Variants in CNTNAP2 observed in about 807,000 individuals in gnomAD.
CNTNAP2 encodes the protein contactin-associated protein-like 2.
Under a neutral mutation model 155.2 loss-of-function variants are expected in CNTNAP2, and 98 were observed. That is an observed-to-expected ratio of 0.63 (90% CI 0.54 to 0.75). The LOEUF (loss-of-function observed/expected upper bound fraction) is 0.75, where lower values mean the gene tolerates loss of function less well. Among genes scored for constraint, CNTNAP2 ranks in the 30% least tolerant of loss-of-function variants. The pLI, the probability that CNTNAP2 is intolerant of heterozygous loss-of-function variation, is 0.00. For missense variants in CNTNAP2, 1,727 were observed against 1,688.1 expected (o/e 1.02, Z -0.40); for synonymous variants, 651 against 631.2 (o/e 1.03, Z -0.47).
intron 12 of CNTNAP2, among the ~76,000 whole-genome samples, chr7:147,623,655 A>G (rs577188927): frequency 1.3e-5 from 2 of 152,198 alleles, no homozygotes; most frequent in African/African-American, 4.8e-5. Context: ...AATAATCAAT[A>G]TTGTTAAAAT....
intron 15 of CNTNAP2, among the ~76,000 whole-genome samples, chr7:148,016,864 T>C (rs12674208): frequency 0.24 from 36,386 of 152,134 alleles, 5,497 homozygotes; most frequent in East Asian, 0.5. Flanking sequence ...ATTCCTTCCC[T>C]TTCTTCTGCA....
intron 12 of CNTNAP2, among the ~76,000 whole-genome samples, chr7:147,581,120 C>G (rs577223865): frequency 1.3e-5 from 2 of 152,072 alleles, no homozygotes; most frequent in Non-Finnish European, 2.9e-5. Context: ...AGATAACTGG[C>G]CTAGAGTCAA....
intron 12 of CNTNAP2, among the ~76,000 whole-genome samples, chr7:147,601,086 T>C (rs1800933920): frequency 6.6e-6 from 1 of 152,160 alleles, no homozygotes; most frequent in Non-Finnish European, 1.5e-5. Context: ...AAGTCCTGTG[T>C]CCCCGTTACT....
At chr7:147,420,693 C>T (rs1797276680) in intron 10 of CNTNAP2, among the ~76,000 whole-genome samples, 1 of 152,102 alleles carries the variant, frequency 6.6e-6, no homozygotes, top group Admixed American at 6.6e-5. Context: ...TTATGAAATA[C>T]TAACGTTGCA....
intron 8 of CNTNAP2, among the ~76,000 whole-genome samples, chr7:147,159,040 T>TC (rs1801977621): frequency 6.6e-6 from 1 of 152,030 alleles, no homozygotes; most frequent in African/African-American, 2.4e-5. Context: ...AAGGGAAAGG[T>TC]CAGGGTTCTT....
intron 1 of CNTNAP2, among the ~76,000 whole-genome samples, chr7:146,326,690 T>C (rs1801103407): frequency 6.6e-6 from 1 of 152,166 alleles, no homozygotes. Flanking sequence ...AGCATCTCCG[T>C]GGATGAAAAG....
At chr7:148,202,871 G>A (rs916435120) in intron 18 of CNTNAP2, among the ~76,000 whole-genome samples, 3 of 152,138 alleles carry the variant, frequency 2.0e-5, no homozygotes, top group Admixed American at 6.5e-5. Context: ...CAACAAACGC[G>A]TGGCCTAAAT....
At chr7:146,919,715 A>T (rs1024103837) in intron 3 of CNTNAP2, among the ~76,000 whole-genome samples, 3 of 152,180 alleles carry the variant, frequency 2.0e-5, no homozygotes, top group African/African-American at 4.8e-5. Flanking sequence ...AGGCAGTATA[A>T]GGAGGATCAG....
chr7:148,080,439 A>G (rs890644927), intron 15 of CNTNAP2, among the ~76,000 whole-genome samples: 3 of 151,848 alleles, frequency 2.0e-5, no homozygotes, highest in African/African-American at 7.3e-5. Flanking sequence ...CCCCATCTCT[A>G]CTAAAAATAC....
chr7:148,140,292 T>C (rs1391883329), intron 16 of CNTNAP2, among the ~76,000 whole-genome samples: 2 of 152,170 alleles, frequency 1.3e-5, no homozygotes, highest in Non-Finnish European at 2.9e-5. Context: ...ATAGGAATGA[T>C]TGATTGCCCA....
chr7:148,288,886 C>A (rs913733869), intron 21 of CNTNAP2, among the ~76,000 whole-genome samples: 1 of 144,170 alleles, frequency 6.9e-6, no homozygotes, highest in African/African-American at 2.6e-5. Flanking sequence ...TGTTTTTAAA[C>A]CTCCTGTTCA....
At chr7:146,786,288 C>A (rs1049329682) in intron 2 of CNTNAP2, among the ~76,000 whole-genome samples, 1 of 152,072 alleles carries the variant, frequency 6.6e-6, no homozygotes, top group Non-Finnish European at 1.5e-5. Context: ...ATTTCCAAGA[C>A]AATTGGGAGG....
intron 11 of CNTNAP2, among the ~76,000 whole-genome samples, chr7:147,509,336 C>T (rs1374107880): frequency 6.6e-6 from 1 of 152,200 alleles, no homozygotes; most frequent in Non-Finnish European, 1.5e-5. Flanking sequence ...ATTAACTTCT[C>T]ATACCAAAAA....
chr7:148,018,138 C>T (rs369008193), intron 15 of CNTNAP2, among the ~76,000 whole-genome samples: 21 of 152,160 alleles, frequency 1.4e-4, no homozygotes, highest in African/African-American at 3.1e-4. Context: ...GAAAATAACA[C>T]GACTGGTACC....
chr7:147,515,378 A>G (rs1799104096), intron 11 of CNTNAP2, among the ~76,000 whole-genome samples: 1 of 133,834 alleles, frequency 7.5e-6, no homozygotes. Context: ...GCTGGAGTGC[A>G]GTGGTGTGAT....
intron 3 of CNTNAP2, among the ~76,000 whole-genome samples, chr7:147,007,180 C>G (rs199844029): frequency 6.6e-6 from 1 of 152,086 alleles, no homozygotes; most frequent in Non-Finnish European, 1.5e-5. Context: ...AGTCAAAATG[C>G]ACATGCTCGC....
chr7:146,997,132 C>G (rs890841182), intron 3 of CNTNAP2, among the ~76,000 whole-genome samples: 1 of 152,076 alleles, frequency 6.6e-6, no homozygotes, highest in Non-Finnish European at 1.5e-5. Flanking sequence ...CAAACTAATA[C>G]AGTGGATGTC....
intron 21 of CNTNAP2, among the ~76,000 whole-genome samples, chr7:148,372,560 T>C (rs1042734080): frequency 4.6e-5 from 7 of 151,802 alleles, no homozygotes; most frequent in African/African-American, 1.7e-4. Context: ...ATACAAAAAT[T>C]AGCCTGGTGT....
chr7:147,715,953 T>C (rs1411860490), intron 13 of CNTNAP2, among the ~76,000 whole-genome samples: 1 of 152,204 alleles, frequency 6.6e-6, no homozygotes, highest in Non-Finnish European at 1.5e-5. Context: ...TCGTCATTTA[T>C]TGAAGACTTT....
Sources: gnomAD v4.1 joint callset for allele counts (sites outside exome capture counted in the v4.1 genomes callset) on GRCh38, gnomAD v4.1.1 for gene constraint, MANE v1.5 for transcripts, NCBI Gene and HGNC (gene_info 2026-07-23, HGNC 2026-07-21) for gene names.